Variants in NCOR2 observed in about 807,000 individuals in gnomAD.
NCOR2 encodes nuclear receptor corepressor 2, also known as CTG repeat protein 26.
Under a neutral mutation model 262.9 loss-of-function variants are expected in NCOR2, and 81 were observed. The observed-to-expected ratio is 0.31, with a 90% CI of 0.26 to 0.37. The LOEUF (loss-of-function observed/expected upper bound fraction) is 0.37, where lower values mean the gene tolerates loss of function less well. NCOR2 is among the 10% of genes least tolerant of loss of function. The pLI, the probability that NCOR2 is intolerant of heterozygous loss-of-function variation, is 1.00. For missense variants in NCOR2, 3,385 were observed against 3,621.4 expected (o/e 0.93, Z 1.68); for synonymous variants, 1,659 against 1,559.3 (o/e 1.06, Z -1.51).
chr12:124,471,069 A>G (rs983432230), intron 4 of NCOR2, among the ~76,000 whole-genome samples: 3 of 152,082 alleles, frequency 2.0e-5, no homozygotes, highest in Non-Finnish European at 4.4e-5. Context: ...CATGAGACCT[A>G]CCCACTGCCC....
intron 1 of NCOR2, among the ~76,000 whole-genome samples, chr12:124,532,517 C>A (rs918217075): frequency 3.3e-5 from 5 of 152,218 alleles, no homozygotes; most frequent in African/African-American, 1.2e-4. Flanking sequence ...GTTCCCTCAG[C>A]AGGGGAGGAG....
chr12:124,534,456 GA>G (rs11405381), intron 1 of NCOR2, among the ~76,000 whole-genome samples: 72 of 145,154 alleles, frequency 5.0e-4, no homozygotes, highest in African/African-American at 5.6e-4. Context: ...ACTCTGTCTC[GA>G]AAAAAAAAAA....
chr12:124,443,642 A>G lies in NCOR2; in HGVS notation c.816-5646T>C, dbSNP rs1248246247. Reference sequence around the variant, plus strand: ...CTCAGCCTCCCAAGTAACTGGGGCTATAGGCACGTGCCACTACGCCCAGCT... The same window carrying G: ...CTCAGCCTCCCAAGTAACTGGGGCTGTAGGCACGTGCCACTACGCCCAGCT... On this transcript the variant is annotated intron_variant, in intron 7 of 46. Coordinates refer to ENST00000405201, the Ensembl canonical transcript of NCOR2. This position sits in a 1 kb window ranked among gnomAD's most constrained non-coding sequence, Gnocchi z 4.4. Among the ~76,000 whole-genome samples the G allele has an allele frequency of 2.0e-5, 3 of 152,224 alleles. No individual in the cohort carries two copies. The East Asian group carries it at 5.8e-4, about 29-fold the overall frequency.
intron 14 of NCOR2, among the ~76,000 whole-genome samples, chr12:124,402,186 G>C (rs551082712): frequency 2.6e-5 from 4 of 152,186 alleles, no homozygotes; most frequent in African/African-American, 7.2e-5. Flanking sequence ...GAAAGAAAGC[G>C]AGGGCGGAGG....
At chr12:124,442,505 G>A (rs2044870940) in intron 7 of NCOR2, among the ~76,000 whole-genome samples, 1 of 152,240 alleles carries the variant, frequency 6.6e-6, no homozygotes, top group Admixed American at 6.5e-5. Flanking sequence ...CAGGTGACGT[G>A]TGTGGGGGAA....
intron 1 of NCOR2, chr12:124,562,367 C>T (rs1202365228): frequency 6.6e-6 from 1 of 152,224 alleles, no homozygotes; most frequent in Non-Finnish European, 1.5e-5. Flanking sequence ...TTTTCTTTCC[C>T]TCCCTTTTAA....
At chr12:124,416,795 G>C (rs3825129) in intron 13 of NCOR2, among the ~76,000 whole-genome samples, 6 of 145,060 alleles carry the variant, frequency 4.1e-5, no homozygotes, top group Admixed American at 1.4e-4. Flanking sequence ...CCGTGGCACA[G>C]GGAGACCCCG....
intron 1 of NCOR2, among the ~76,000 whole-genome samples, chr12:124,506,345 G>A (rs983321163): frequency 2.6e-5 from 4 of 151,686 alleles, no homozygotes; most frequent in South Asian, 4.2e-4. Context: ...GGGAAGTGGC[G>A]TTGGTCGGAG....
chr12:124,349,096 G>A (rs185148968), intron 28 of NCOR2, among the ~76,000 whole-genome samples: 108 of 152,326 alleles, frequency 7.1e-4, no homozygotes, highest in Non-Finnish European at 1.1e-3. Context: ...GCGTGTGCAC[G>A]GAGAGGTGTG....
intron 27 of NCOR2, among the ~76,000 whole-genome samples, chr12:124,352,963 C>G (rs1192855185): frequency 6.6e-6 from 1 of 152,244 alleles, no homozygotes; most frequent in Non-Finnish European, 1.5e-5. Context: ...GCCTATGGCA[C>G]CTACTCAGTT....
At chr12:124,459,381 C>A (rs2046045724) in intron 5 of NCOR2, among the ~76,000 whole-genome samples, 1 of 152,168 alleles carries the variant, frequency 6.6e-6, no homozygotes, top group South Asian at 2.1e-4. Context: ...GCCCCCACAT[C>A]CCCTGCTCCC....
At chr12:124,470,402 A>G (rs916836740) in intron 4 of NCOR2, among the ~76,000 whole-genome samples, 3 of 152,214 alleles carry the variant, frequency 2.0e-5, no homozygotes, top group African/African-American at 7.2e-5. Context: ...AAACTTCAAC[A>G]CAAATGTTCA....
chr12:124,352,822 G>A (rs2037606782), intron 27 of NCOR2, among the ~76,000 whole-genome samples: 1 of 152,206 alleles, frequency 6.6e-6, no homozygotes, highest in Admixed American at 6.5e-5. Flanking sequence ...CTGCTTCCAG[G>A]AGATGAGCCT....
chr12:124,501,851 C>T (rs2048756327), intron 1 of NCOR2, among the ~76,000 whole-genome samples: 1 of 152,200 alleles, frequency 6.6e-6, no homozygotes, highest in Non-Finnish European at 1.5e-5. Flanking sequence ...CCCCAGAGCC[C>T]AGCACACAGT....
chr12:124,375,830 G>T (rs10846662), intron 18 of NCOR2, among the ~76,000 whole-genome samples: 34,796 of 152,094 alleles, frequency 0.23, 4,619 homozygotes, highest in African/African-American at 0.35. Flanking sequence ...TCCCAGCCCC[G>T]CGCTGGTGTA....
rs902205701 is a variant in NCOR2, at chr12:124,443,458, C to T, written c.816-5462G>A. Among the ~76,000 whole-genome samples the T allele has an allele frequency of 6.6e-6, 1 of 152,200 alleles. No homozygotes were observed. The highest frequency in any genetic ancestry group is 6.5e-5 in the Admixed American group (1 of 15,278). On this transcript the variant is annotated intron_variant, in intron 7 of 46. Transcript: ENST00000405201. The surrounding 1 kb of genome is among the most constrained non-coding windows in gnomAD (Gnocchi z 4.4). ...ACAGTGCACAGGCCAGAGACAGCCT[C>T]TGAGGGTGTTGTGTTGGGCTGTGGT... is the stretch of plus-strand genomic sequence containing the variant.
In NCOR2 at chr12:124,340,167, C is replaced by A. The variant is rs746144594; in HGVS notation, c.5526G>T (p.Gly1842=). The change falls in exon 37 of 47, where the codon GGG becomes GGT. Residue 1842 remains glycine (G), a synonymous_variant. Transcript: ENST00000405201. ...GGGAGGCGGGGCGGCTGCTGCTGCC[C>A]CCACCCCCGCCGCTGCTGCCGCTGC... 6 of 707,768 alleles carry A rather than the reference C, an allele frequency of 8.5e-6. No individual in the cohort carries two copies. The African/African-American group carries it at 1.9e-4, about 22-fold the overall frequency. The allele number at this position is 707,768 out of a possible 1,614,324, so 43.8% of individuals were successfully genotyped here.
At chr12:124,386,243 C>A (rs2040796217) in intron 16 of NCOR2, among the ~76,000 whole-genome samples, 2 of 152,128 alleles carry the variant, frequency 1.3e-5, no homozygotes, top group African/African-American at 4.8e-5. Context: ...GAACGCACAG[C>A]CTCTGCCCAG....
intron 13 of NCOR2, among the ~76,000 whole-genome samples, chr12:124,414,391 T>C (rs2042750037): frequency 6.6e-6 from 1 of 152,186 alleles, no homozygotes; most frequent in Non-Finnish European, 1.5e-5. Context: ...ACCATCACTG[T>C]CGCCGTCATC....
Sources: allele counts gnomAD v4.1 joint callset (sites outside exome capture counted in the v4.1 genomes callset), GRCh38; gene constraint gnomAD v4.1.1; non-coding constraint Gnocchi (gnomAD v3.1); transcripts MANE v1.5; gene names NCBI Gene and HGNC (gene_info 2026-07-23, HGNC 2026-07-21).